The following NFIC variants were observed in gnomAD, a reference collection of about 807,000 sequenced individuals.
The protein encoded by NFIC is nuclear factor 1 C-type.
In NFIC, 12 loss-of-function variants were observed where a neutral mutation model predicts 54.4. The observed-to-expected ratio is 0.22, with a 90% CI of 0.14 to 0.36. The LOEUF (loss-of-function observed/expected upper bound fraction) is 0.36, where lower values mean the gene tolerates loss of function less well. Ranked by LOEUF, NFIC falls within the 10% of genes least tolerant of loss-of-function variation. The pLI is 1.00. For synonymous variants in NFIC, 322 were observed against 319.2 expected (o/e 1.01, Z -0.09); for missense variants, 575 against 718.2 (o/e 0.80, Z 2.28).
chr19:3,397,254 C>T (rs183272975), intron 2 of NFIC, among the ~76,000 whole-genome samples: 2 of 152,172 alleles, frequency 1.3e-5, no homozygotes, highest in South Asian at 4.1e-4. Flanking sequence ...CTAAGGAGCA[C>T]AGTCAGGATT....
chr19:3,417,675 G>C lies in NFIC; in HGVS notation c.563-7431G>C, dbSNP rs561245736. Among the ~76,000 whole-genome samples, 551 of 148,456 alleles carry C rather than the reference G, an allele frequency of 3.7e-3. 3 individuals are homozygous for C. The highest frequency in any genetic ancestry group is 0.013 in the African/African-American group (526 of 39,870). On this transcript the variant is annotated intron_variant, in intron 2 of 10. Coordinates refer to ENST00000443272, the MANE Select transcript of NFIC (RefSeq NM_001245002.2). Reference sequence around the variant, plus strand: ...GAGTCTCGCTCTGTCGCCCAGGCTGGAGTGCAGTGGCGCAATCTCGGCTCA... The same window carrying C: ...GAGTCTCGCTCTGTCGCCCAGGCTGCAGTGCAGTGGCGCAATCTCGGCTCA...
chr19:3,374,735 G>T (rs954515681), intron 1 of NFIC, among the ~76,000 whole-genome samples: 2 of 152,188 alleles, frequency 1.3e-5, no homozygotes, highest in South Asian at 4.1e-4. Flanking sequence ...CTCTTTTGCC[G>T]GTTGGGCCTC....
intron 6 of NFIC, 48 bp from the exon 7 acceptor site, chr19:3,448,966 C>T (rs1346340934): frequency 3.8e-6 from 6 of 1,582,154 alleles, no homozygotes; most frequent in African/African-American, 1.3e-5. Flanking sequence ...GTCCAGGGCT[C>T]ATGGGGTGTG....
chr19:3,376,376 C>T (rs1295347065), intron 1 of NFIC, among the ~76,000 whole-genome samples: 1 of 121,012 alleles, frequency 8.3e-6, no homozygotes, highest in African/African-American at 3.2e-5. Flanking sequence ...TTGCAGTGAG[C>T]TGAGATCATG....
At position 3,370,591 on chromosome 19, in the gene NFIC, T is replaced by TTC; in HGVS notation, c.30+3936_30+3937dup. Among the ~76,000 whole-genome samples, 1 of 147,252 alleles carries TTC rather than the reference T, an allele frequency of 6.8e-6. No individual in the cohort carries two copies. The highest frequency in any genetic ancestry group is 2.5e-5 in the African/African-American group (1 of 39,860). On this transcript the variant is annotated intron_variant, in intron 1 of 10. Coordinates refer to ENST00000443272, the MANE Select transcript of NFIC (RefSeq NM_001245002.2). The surrounding 1 kb of genome is among the most constrained non-coding windows in gnomAD (Gnocchi z 5.2). ...TCCCTTTCCGTCTTTCCCTCTTCCT[T>TTC]TCTCTCTCTCTCCCCGTCTCCCTTC...
At chr19:3,435,713 G>A (rs761570618) in intron 6 of NFIC, among the ~76,000 whole-genome samples, 1 of 151,876 alleles carries the variant, frequency 6.6e-6, no homozygotes, top group African/African-American at 2.4e-5. Context: ...CAGGAGACTC[G>A]TCTCCTTTCT....
intron 2 of NFIC, among the ~76,000 whole-genome samples, chr19:3,396,794 A>G (rs1409793779): frequency 6.6e-6 from 1 of 152,120 alleles, no homozygotes; most frequent in Non-Finnish European, 1.5e-5. Flanking sequence ...TATCTCTACT[A>G]AACCTACAAA....
chr19:3,454,129 G>C, intron 9 of NFIC: 1 of 1,346,462 alleles, frequency 7.4e-7, no homozygotes, highest in Non-Finnish European at 9.5e-7. Flanking sequence ...CCTCGGGCCA[G>C]GGTGAGAGTC....
rs1452341902 is a variant in NFIC at position 3,463,047 on chromosome 19, C to T, written c.*278C>T. On this transcript the variant is annotated 3_prime_UTR_variant, in exon 11 of 11. Coordinates refer to ENST00000443272, the MANE Select transcript of NFIC (RefSeq NM_001245002.2). ...TTTCCAACTCTCGGGACGCCAAGGC[C>T]GCAGGACTGGAGGGCCAGGCCCCGC... 6 of 1,336,730 alleles carry T rather than the reference C, an allele frequency of 4.5e-6. No individual in the cohort carries two copies. The highest frequency in any genetic ancestry group is 3.1e-5 in the East Asian group (1 of 32,420). 82.8% of individuals were successfully genotyped at this position (1,336,730 alleles called of 1,614,324 possible).
At chr19:3,422,999 C>G (rs2081975998) in intron 2 of NFIC, among the ~76,000 whole-genome samples, 1 of 134,326 alleles carries the variant, frequency 7.4e-6, no homozygotes, top group Admixed American at 7.7e-5. Context: ...GAGTTCGAGA[C>G]CAGCCTGACC....
chr19:3,430,291 C>T (rs2082100882), intron 3 of NFIC, among the ~76,000 whole-genome samples: 1 of 150,522 alleles, frequency 6.6e-6, no homozygotes, highest in South Asian at 2.1e-4. Context: ...GGCGCAATCT[C>T]GGCTCACTGC....
At chr19:3,379,559 T>C (rs1450501231) in intron 1 of NFIC, among the ~76,000 whole-genome samples, 19 of 151,378 alleles carry the variant, frequency 1.3e-4, no homozygotes. Flanking sequence ...TTGGCCAGGC[T>C]GGTGTCAAGC....
intron 2 of NFIC, among the ~76,000 whole-genome samples, chr19:3,398,987 A>G (rs911349808): frequency 1.3e-5 from 2 of 152,218 alleles, no homozygotes; most frequent in Non-Finnish European, 2.9e-5. Context: ...TTCTTTCCCC[A>G]GGGCGGGGGT....
At chr19:3,436,851 G>T (rs1395704344) in intron 6 of NFIC, among the ~76,000 whole-genome samples, 1 of 152,162 alleles carries the variant, frequency 6.6e-6, no homozygotes, top group African/African-American at 2.4e-5. Flanking sequence ...CCTGGGTTCA[G>T]ATCCCAGCCC....
At chr19:3,385,241 C>T (rs997454152) in intron 2 of NFIC, among the ~76,000 whole-genome samples, 18 of 151,196 alleles carry the variant, frequency 1.2e-4, no homozygotes, top group Non-Finnish European at 2.4e-4. Flanking sequence ...GCGGGTGCTC[C>T]AGCTCCTCAT....
At chr19:3,403,279 C>T (rs570143500) in intron 2 of NFIC, among the ~76,000 whole-genome samples, 1 of 152,192 alleles carries the variant, frequency 6.6e-6, no homozygotes, top group South Asian at 2.1e-4. Flanking sequence ...TGGTTTCCAG[C>T]CCCCTCCCAC....
chr19:3,366,558 G>C, upstream of NFIC: 2 of 750,140 alleles, frequency 2.7e-6, no homozygotes, highest in Non-Finnish European at 4.0e-6. Flanking sequence ...GGGGGGGGCG[G>C]GGGGGTGGTT....
intron 2 of NFIC, among the ~76,000 whole-genome samples, chr19:3,394,340 C>A (rs1052549621): frequency 6.6e-6 from 1 of 151,664 alleles, no homozygotes. Context: ...ATTAGCCAGG[C>A]GTGGTGGCGT....
intron 7 of NFIC, among the ~76,000 whole-genome samples, chr19:3,451,541 G>GGATCACCT (rs2082462589): frequency 6.6e-6 from 1 of 151,816 alleles, no homozygotes; most frequent in African/African-American, 2.4e-5. Context: ...CGAGGCAGGA[G>GGATCACCT]GATCACCTGA....
Sources: allele counts gnomAD v4.1 joint callset (sites outside exome capture counted in the v4.1 genomes callset), GRCh38; gene constraint gnomAD v4.1.1; non-coding constraint Gnocchi (gnomAD v3.1); transcripts MANE v1.5; gene names NCBI Gene and HGNC (gene_info 2026-07-23, HGNC 2026-07-21).